DSCAM: variants seen among roughly 807,000 people sequenced by gnomAD.
DSCAM encodes cell adhesion molecule DSCAM.
Under a neutral mutation model 217.7 loss-of-function variants are expected in DSCAM, and 47 were observed. That is an observed-to-expected ratio of 0.22 (90% CI 0.17 to 0.28). The LOEUF (loss-of-function observed/expected upper bound fraction) is 0.28, where lower values mean the gene tolerates loss of function less well. DSCAM is among the 10% of genes least tolerant of loss of function. The pLI, the probability that DSCAM is intolerant of heterozygous loss-of-function variation, is 1.00. For missense variants in DSCAM, 2,080 were observed against 2,618.3 expected, an observed-to-expected ratio of 0.79 and a Z score of 4.49; for synonymous variants, 1,056 against 1,015.3, an observed-to-expected ratio of 1.04 and a Z score of -0.76.
intron 11 of DSCAM, among the ~76,000 whole-genome samples, chr21:40,203,203 G>A (rs1190927445): frequency 6.6e-6 from 1 of 152,232 alleles, no homozygotes; most frequent in African/African-American, 2.4e-5. Context: ...ATCCTTGGCT[G>A]CTTTTGAACT....
At chr21:40,787,405 A>C (rs7283830) in intron 1 of DSCAM, among the ~76,000 whole-genome samples, 32,173 of 152,136 alleles carry the variant, frequency 0.21, 4,444 homozygotes, top group African/African-American at 0.4. Context: ...GTCACTAAAC[A>C]GCTGGTACAA....
intron 13 of DSCAM, 114 bp downstream of exon 13, chr21:40,187,776 TG>T (rs1568989792): frequency 1.1e-6 from 1 of 943,862 alleles, no homozygotes; most frequent in Non-Finnish European, 1.7e-6. Context: ...CAAAATTTCC[TG>T]GGAATTAGGA....
intron 10 of DSCAM, among the ~76,000 whole-genome samples, chr21:40,290,490 G>A (rs952148545): frequency 5.3e-5 from 8 of 152,148 alleles, no homozygotes; most frequent in African/African-American, 1.9e-4. Context: ...GCATGGTAGT[G>A]CATGGCTATA....
intron 1 of DSCAM, among the ~76,000 whole-genome samples, chr21:40,836,205 A>G (rs2092054592): frequency 6.6e-6 from 1 of 152,206 alleles, no homozygotes; most frequent in African/African-American, 2.4e-5. Context: ...CTGGAGCTTC[A>G]TGGTTACAGG....
intron 3 of DSCAM, among the ~76,000 whole-genome samples, chr21:40,466,295 T>C (rs1198312874): frequency 6.6e-6 from 1 of 152,194 alleles, no homozygotes; most frequent in Non-Finnish European, 1.5e-5. Flanking sequence ...CAATATCACT[T>C]TTCATTCCTG....
intron 3 of DSCAM, among the ~76,000 whole-genome samples, chr21:40,489,794 A>T (rs559170339): frequency 1.1e-4 from 16 of 150,022 alleles, no homozygotes; most frequent in East Asian, 5.8e-4. Context: ...AAAAAAAAAA[A>T]AAAAAAATAA....
Position 40,533,261 on chromosome 21 carries a change from C to A in DSCAM, c.508+159549G>T, listed in dbSNP as rs1279357519. 2.6e-5 allele frequency among the ~76,000 whole-genome samples: 4 copies of A among 152,308 alleles called. No individual in the cohort carries two copies. The East Asian group carries it at 7.7e-4, about 29-fold the overall frequency. On this transcript the variant is annotated intron_variant, in intron 3 of 32. Coordinates refer to ENST00000400454, the MANE Select transcript of DSCAM (RefSeq NM_001389.5). ...TGATGAATCCAGGCATGTGTGAATG[C>A]ATGTAAGAATAATTTCCTTTTCATT...
chr21:40,182,624 C>G (rs1487891655), intron 14 of DSCAM, among the ~76,000 whole-genome samples: 2 of 119,904 alleles, frequency 1.7e-5, no homozygotes, highest in Non-Finnish European at 3.3e-5. Flanking sequence ...GAACGGGCCA[C>G]CAGAGAAACC....
intron 10 of DSCAM, among the ~76,000 whole-genome samples, chr21:40,287,190 T>G (rs554278902): frequency 3.0e-4 from 43 of 143,456 alleles, no homozygotes; most frequent in African/African-American, 1.2e-3. Flanking sequence ...TCTTCTGCAG[T>G]GTGATCTGCA....
chr21:40,781,992 C>CAAAAAAAAAAAAAAAAAAAAAAAAA (rs57750960), intron 1 of DSCAM, among the ~76,000 whole-genome samples: 1 of 106,400 alleles, frequency 9.4e-6, no homozygotes, highest in Non-Finnish European at 1.7e-5. Flanking sequence ...ACTAAAAATA[C>CAAAAAAAAAAAAAAAAAAAAAAAAA]AAAAAAAAAA....
At chr21:40,671,855 G>C (rs2090279977) in intron 3 of DSCAM, among the ~76,000 whole-genome samples, 1 of 152,204 alleles carries the variant, frequency 6.6e-6, no homozygotes, top group Admixed American at 6.5e-5. Context: ...ACCACAGTCA[G>C]ACAGAAGAGC....
At chr21:40,525,193 G>A (rs2146096959) in intron 3 of DSCAM, among the ~76,000 whole-genome samples, 1 of 152,102 alleles carries the variant, frequency 6.6e-6, no homozygotes, top group African/African-American at 2.4e-5. Context: ...TCCCAAAAGT[G>A]GATTTTATTT....
At chr21:40,342,649 T>TATATA (rs1555907253) in intron 6 of DSCAM, among the ~76,000 whole-genome samples, 156 of 38,988 alleles carry the variant, frequency 4.0e-3, no homozygotes, top group Middle Eastern at 0.01. Context: ...TATATATATA[T>TATATA]TTTTTTTTTT....
intron 3 of DSCAM, among the ~76,000 whole-genome samples, chr21:40,564,403 C>T (rs1163746239): frequency 6.6e-6 from 1 of 152,204 alleles, no homozygotes; most frequent in African/African-American, 2.4e-5. Context: ...AGAAATTGTT[C>T]TGACTATGCA....
chr21:40,726,010 G>T (rs989582004), intron 1 of DSCAM, among the ~76,000 whole-genome samples: 14 of 152,120 alleles, frequency 9.2e-5, no homozygotes, highest in African/African-American at 3.4e-4. Context: ...TACAACATAG[G>T]TGAGAAACAA....
intron 16 of DSCAM, among the ~76,000 whole-genome samples, chr21:40,165,682 A>G (rs2090587193): frequency 6.6e-6 from 1 of 152,146 alleles, no homozygotes; most frequent in African/African-American, 2.4e-5. Flanking sequence ...GTGGACAGAC[A>G]CCTCTCTCAT....
intron 1 of DSCAM, among the ~76,000 whole-genome samples, chr21:40,828,655 CCT>C (rs2091988934): frequency 8.5e-6 from 1 of 117,062 alleles, no homozygotes; most frequent in Non-Finnish European, 1.7e-5. Flanking sequence ...GACACCCCAC[CCT>C]CTTTTTTTTT....
Position 40,206,685 on chromosome 21 carries a change from C to CAA in DSCAM, c.2357-17448_2357-17447insTT, listed in dbSNP as rs770011085. On this transcript the variant is annotated intron_variant, in intron 11 of 32. Coordinates refer to ENST00000400454, the MANE Select transcript of DSCAM (RefSeq NM_001389.5). ...TAATCCTTGCTTTTCCTGGGATTTG[C>CAA]CAAAAAAAAAAAAAAATGTTCAAAA... Among the ~76,000 whole-genome samples, 35 of 108,446 alleles carry CAA rather than the reference C, an allele frequency of 3.2e-4. No individual in the cohort carries two copies. In the Middle Eastern group the frequency reaches 0.012, roughly 37 times the overall value. The allele number at this position is 108,446 out of a possible 152,430, so 71.1% of individuals were successfully genotyped here.
intron 3 of DSCAM, among the ~76,000 whole-genome samples, chr21:40,573,104 G>A (rs1249782738): frequency 1.3e-5 from 2 of 152,154 alleles, no homozygotes; most frequent in Non-Finnish European, 2.9e-5. Context: ...TTGAGAGGCC[G>A]AGGCGGGCAG....
Sources: allele counts gnomAD v4.1 joint callset (sites outside exome capture counted in the v4.1 genomes callset), GRCh38; gene constraint gnomAD v4.1.1; transcripts MANE v1.5; gene names NCBI Gene and HGNC (gene_info 2026-07-23, HGNC 2026-07-21).